Variants in REDIC1 observed in about 807,000 individuals in gnomAD.
The protein encoded by REDIC1 is HEI10 Interacting Protein 1.
the REDIC1 span, among the ~76,000 whole-genome samples, chr12:39,904,005 TTC>T: frequency 2.6e-5 from 4 of 152,176 alleles, no homozygotes; most frequent in East Asian, 7.7e-4. Context: ...GCAATCTAGA[TTC>T]TGTCTGTGTC....
chr12:39,710,892 C>CT, the REDIC1 span, among the ~76,000 whole-genome samples: 139 of 149,624 alleles, frequency 9.3e-4, no homozygotes, highest in East Asian at 4.4e-3. Flanking sequence ...TTTCAGTATT[C>CT]TTTTTTTTTA....
chr12:39,728,423 C>A, the REDIC1 span, among the ~76,000 whole-genome samples: 12 of 151,184 alleles, frequency 7.9e-5, no homozygotes, highest in Non-Finnish European at 1.6e-4. Flanking sequence ...TGACATTGAT[C>A]ATGTTTATGT....
At chr12:39,878,370 A>G in the REDIC1 span, among the ~76,000 whole-genome samples, 1 of 152,238 alleles carries the variant, frequency 6.6e-6, no homozygotes, top group South Asian at 2.1e-4. Context: ...GACCGACTAA[A>G]TGGTTGTGAC....
the REDIC1 span, among the ~76,000 whole-genome samples, chr12:39,711,820 C>A: frequency 1.6e-5 from 1 of 61,854 alleles, no homozygotes; most frequent in African/African-American, 4.4e-5. Context: ...TGTGTGTACA[C>A]ATGCATGTGT....
the REDIC1 span, among the ~76,000 whole-genome samples, chr12:39,672,796 C>T: frequency 6.6e-6 from 1 of 152,030 alleles, no homozygotes; most frequent in Non-Finnish European, 1.5e-5. Flanking sequence ...CAGTGGGGCT[C>T]CAGGGATATG....
At chr12:39,664,267 T>C in the REDIC1 span, among the ~76,000 whole-genome samples, 1 of 141,666 alleles carries the variant, frequency 7.1e-6, no homozygotes, top group Non-Finnish European at 1.5e-5. Flanking sequence ...GATGTTCCCC[T>C]TCCTGTGTCC....
the REDIC1 span, among the ~76,000 whole-genome samples, chr12:39,844,211 A>T: frequency 6.2e-3 from 945 of 152,168 alleles, 13 homozygotes; most frequent in African/African-American, 0.022. Flanking sequence ...CTGATTTCTA[A>T]ATAGTACTCC....
chr12:39,650,901 T>C, the REDIC1 span, among the ~76,000 whole-genome samples: 1 of 152,206 alleles, frequency 6.6e-6, no homozygotes, highest in Non-Finnish European at 1.5e-5. The surrounding 1 kb of genome is among the most constrained non-coding windows in gnomAD (Gnocchi z 4.3). Context: ...ACAATCTCCA[T>C]GAATTACTGT....
chr12:39,867,956 T>A, the REDIC1 span, among the ~76,000 whole-genome samples: 1 of 152,210 alleles, frequency 6.6e-6, no homozygotes, highest in Non-Finnish European at 1.5e-5. Context: ...ACGACTTTAT[T>A]TATAAAATAA....
the REDIC1 span, chr12:39,720,926 A>G: frequency 6.2e-7 from 1 of 1,613,782 alleles, no homozygotes; most frequent in Admixed American, 1.7e-5. Flanking sequence ...AAAAACGATG[A>G]CAAAATTCAC....
chr12:39,792,449 G>T, the REDIC1 span, among the ~76,000 whole-genome samples: 2 of 152,142 alleles, frequency 1.3e-5, no homozygotes, highest in Admixed American at 6.5e-5. Flanking sequence ...ACATTCTTTT[G>T]TTTTCATACT....
the REDIC1 span, among the ~76,000 whole-genome samples, chr12:39,784,512 C>G: frequency 2.6e-5 from 4 of 152,206 alleles, no homozygotes; most frequent in East Asian, 3.9e-4. Context: ...TGGGAAAACT[C>G]GCTAGCCATA....
the REDIC1 span, among the ~76,000 whole-genome samples, chr12:39,810,364 A>C: frequency 6.6e-6 from 1 of 152,324 alleles, no homozygotes; most frequent in Admixed American, 6.5e-5. Context: ...ATTTTTCTAC[A>C]ATGACCTTTT....
chr12:39,743,724 C>G, the REDIC1 span, among the ~76,000 whole-genome samples: 1 of 151,952 alleles, frequency 6.6e-6, no homozygotes, highest in Non-Finnish European at 1.5e-5. Context: ...ATAGACTGGA[C>G]GCAGCTCAGG....
At chr12:39,770,014 T>C in the REDIC1 span, among the ~76,000 whole-genome samples, 2 of 151,966 alleles carry the variant, frequency 1.3e-5, no homozygotes, top group Non-Finnish European at 2.9e-5. Flanking sequence ...TGCTGACAAC[T>C]CTCCTTCCTT....
At chr12:39,700,927 C>G in the REDIC1 span, among the ~76,000 whole-genome samples, 1 of 152,070 alleles carries the variant, frequency 6.6e-6, no homozygotes, top group African/African-American at 2.4e-5. Flanking sequence ...AAAGGAGCTC[C>G]TGAAGGAAGC....
At chr12:39,887,745 A>G in the REDIC1 span, among the ~76,000 whole-genome samples, 1 of 152,230 alleles carries the variant, frequency 6.6e-6, no homozygotes, top group South Asian at 2.1e-4. Context: ...TCCTTTAAAA[A>G]AATTCCAGAT....
chr12:39,702,906 AT>A, the REDIC1 span, among the ~76,000 whole-genome samples: 1 of 152,204 alleles, frequency 6.6e-6, no homozygotes, highest in East Asian at 1.9e-4. Flanking sequence ...AAAACTCTCA[AT>A]AAATTAGGTA....
At chr12:39,792,798 T>G in the REDIC1 span, among the ~76,000 whole-genome samples, 143,575 of 150,734 alleles carry the variant, frequency 0.95, 68,454 homozygotes, top group East Asian at 0.99. Context: ...CTGGCTGTAT[T>G]TAATGAAAAA....
Sources: gnomAD v4.1 joint callset for allele counts (sites outside exome capture counted in the v4.1 genomes callset) on GRCh38, gnomAD v4.1.1 for gene constraint, Gnocchi (gnomAD v3.1) non-coding constraint, MANE v1.5 for transcripts, NCBI Gene and HGNC (gene_info 2026-07-23, HGNC 2026-07-21) for gene names.